Variants in GBF1 observed in about 807,000 individuals in gnomAD.
The protein encoded by GBF1 is Golgi-specific brefeldin A-resistance guanine nucleotide exchange factor 1.
GBF1 carries 114 observed loss-of-function variants against 210.5 expected under a neutral mutation model. The ratio of observed to expected loss-of-function variants is 0.54; its 90% confidence interval spans 0.47 to 0.63. The LOEUF (loss-of-function observed/expected upper bound fraction) is 0.63. Ranked by LOEUF, GBF1 falls within the 30% of genes least tolerant of loss-of-function variation. The pLI, the probability that GBF1 is intolerant of heterozygous loss-of-function variation, is 0.00. For missense variants in GBF1, 1,851 were observed against 2,357.7 expected, an observed-to-expected ratio of 0.79 and a Z score of 4.45; for synonymous variants, 850 against 889.2, an observed-to-expected ratio of 0.96 and a Z score of 0.78.
In GBF1 at chr10:102,363,105, C is replaced by G; in HGVS notation, c.1877-151C>G. On this transcript the variant is annotated intron_variant, in intron 15 of 39. Transcript: ENST00000369983. The surrounding 1 kb of genome is among the most constrained non-coding windows in gnomAD (Gnocchi z 4.2). Reference sequence around the variant, plus strand: ...ATCTAATGCTTGGCTGGGACAGGGACTACTTATTTTGGCTTGGGTTTGTCC... The same window carrying G: ...ATCTAATGCTTGGCTGGGACAGGGAGTACTTATTTTGGCTTGGGTTTGTCC... The G allele has an allele frequency of 3.4e-6, 2 of 586,238 alleles. No homozygotes were observed. Among genetic ancestry groups the G allele is most frequent in the Non-Finnish European group, 3.0e-6 (1 of 338,140 alleles). 36.3% of individuals were successfully genotyped at this position (586,238 alleles called of 1,614,324 possible). A position where few individuals can be genotyped will look rare whatever the true frequency, so the allele number is the denominator to read the frequency against.
chr10:102,260,064 T>C lies in GBF1; in HGVS notation c.111T>C (p.Asp37=). Residue 37 remains aspartate, a synonymous_variant, in exon 3 of 40, where the codon GAT becomes GAC. Coordinates refer to ENST00000369983, the MANE Select transcript of GBF1 (RefSeq NM_001377137.1). ...GTGTTCTACAGGATGAAGAACGGGA[T>C]CCTCTGCTGCATAGTTTCGGTCATC... ...STHTPLDEER[D]PLLHSFGHLK... is the part of the protein sequence containing the mutation. 6.3e-7 allele frequency: 1 copy of C among 1,589,202 alleles called. No homozygotes were observed. Among genetic ancestry groups the C allele is most frequent in the South Asian group, 1.1e-5 (1 of 90,394 alleles).
upstream of GBF1, among the ~76,000 whole-genome samples, chr10:102,240,694 T>C (rs1041543324): frequency 8.5e-5 from 13 of 152,200 alleles, no homozygotes; most frequent in African/African-American, 3.1e-4. Flanking sequence ...TGAGGCGGCC[T>C]CAAGTCAGGA....
chr10:102,298,498 G>A (rs1037560817), intron 3 of GBF1, among the ~76,000 whole-genome samples: 2 of 152,172 alleles, frequency 1.3e-5, no homozygotes, highest in African/African-American at 4.8e-5. Flanking sequence ...CTTTTAGCTA[G>A]AATATGTGCT....
At chr10:102,377,319 A>G (rs1030161015) in intron 33 of GBF1, among the ~76,000 whole-genome samples, 179 bp downstream of exon 33, 3 of 69,544 alleles carry the variant, frequency 4.3e-5, no homozygotes, top group African/African-American at 7.5e-5. Flanking sequence ...ATTTGCTTAA[A>G]TTTATTTATT....
intron 3 of GBF1, among the ~76,000 whole-genome samples, chr10:102,334,397 G>A (rs968832031): frequency 6.6e-6 from 1 of 152,232 alleles, no homozygotes; most frequent in Non-Finnish European, 1.5e-5. Flanking sequence ...GGCTGCTGCG[G>A]CCTGGAGAAC....
chr10:102,348,869 G>C (rs1415283700), intron 4 of GBF1, among the ~76,000 whole-genome samples: 2 of 152,188 alleles, frequency 1.3e-5, no homozygotes, highest in Non-Finnish European at 2.9e-5. Context: ...ATGTTTGGGG[G>C]CCAGGCACAG....
intron 8 of GBF1, among the ~76,000 whole-genome samples, chr10:102,354,963 A>G (rs1306198738): frequency 6.9e-6 from 1 of 144,670 alleles, no homozygotes; most frequent in Non-Finnish European, 1.5e-5. Context: ...CATTCCAAGG[A>G]TTAGAACTCT....
chr10:102,230,735 C>T, the GBF1 span: 3 of 1,500,298 alleles, frequency 2.0e-6, no homozygotes, highest in South Asian at 1.3e-5. Context: ...CCGGAGGACA[C>T]GGCGGCCGGA....
At chr10:102,237,255 C>T in the GBF1 span, among the ~76,000 whole-genome samples, 3 of 151,966 alleles carry the variant, frequency 2.0e-5, no homozygotes, top group African/African-American at 7.3e-5. Flanking sequence ...AGAGGGAAGC[C>T]CATGGAAGGT....
intron 3 of GBF1, among the ~76,000 whole-genome samples, chr10:102,276,980 A>ACACG (rs2133384746): frequency 6.6e-6 from 1 of 152,234 alleles, no homozygotes; most frequent in East Asian, 1.9e-4. Flanking sequence ...ACACACACAC[A>ACACG]CACACACACA....
chr10:102,316,601 C>A (rs1218812037), intron 3 of GBF1, among the ~76,000 whole-genome samples: 1 of 152,148 alleles, frequency 6.6e-6, no homozygotes, highest in East Asian at 1.9e-4. Context: ...CCACAGTTAA[C>A]GAGTAGAATA....
rs1380478137 is a variant in GBF1 at position 102,365,522 on chromosome 10, C to T, written c.2232C>T (p.Asn744=). ...AGGTTGCTCAGTGGCTCCGAGAGAA[C>T]CCTCGGCTGGACAAGAAGATGATTG... The part of the protein sequence containing the change: ...NTEVAQWLRE[N]PRLDKKMIGE... The change falls in exon 18 of 40, where the codon AAC becomes AAT. Residue 744 remains asparagine (N), a synonymous_variant. Transcript: ENST00000369983. 1.2e-6 allele frequency: 2 copies of T among 1,614,058 alleles called. No individual in the cohort carries two copies. Among genetic ancestry groups the T allele is most frequent in the Non-Finnish European group, 8.5e-7 (1 of 1,180,018 alleles).
At chr10:102,329,645 A>G (rs1311371184) in intron 3 of GBF1, among the ~76,000 whole-genome samples, 1 of 151,842 alleles carries the variant, frequency 6.6e-6, no homozygotes, top group Non-Finnish European at 1.5e-5. Flanking sequence ...TTGTATTTTT[A>G]GTAGAGATAG....
intron 21 of GBF1, 94 bp from the exon 22 acceptor site, chr10:102,368,124 G>C (rs2060008201): frequency 2.5e-6 from 2 of 795,522 alleles, no homozygotes; most frequent in African/African-American, 3.3e-5. Flanking sequence ...CCTCTCATCA[G>C]TGGAGAGTGC....
At chr10:102,276,147 G>A (rs1311416125) in intron 3 of GBF1, among the ~76,000 whole-genome samples, 2 of 152,140 alleles carry the variant, frequency 1.3e-5, no homozygotes, top group Non-Finnish European at 2.9e-5. Flanking sequence ...TGAGGCAGGA[G>A]AATCGCTTGA....
chr10:102,335,676 G>A (rs549135399), intron 3 of GBF1, among the ~76,000 whole-genome samples: 112 of 152,244 alleles, frequency 7.4e-4, no homozygotes, highest in Non-Finnish European at 1.3e-3. Context: ...TAGCTGGTGG[G>A]GACATCTCGT....
At chr10:102,309,758 T>A (rs2078250194) in intron 3 of GBF1, among the ~76,000 whole-genome samples, 1 of 152,232 alleles carries the variant, frequency 6.6e-6, no homozygotes, top group Non-Finnish European at 1.5e-5. Flanking sequence ...CATTATTAGT[T>A]GTAGAATGAA....
intron 4 of GBF1, among the ~76,000 whole-genome samples, chr10:102,345,646 CAAAAAAAAAAA>C (rs59037566): frequency 2.8e-4 from 5 of 17,982 alleles, no homozygotes; most frequent in Non-Finnish European, 5.2e-4. Context: ...GACTCCGTCT[CAAAAAAAAAAA>C]AAAAAAAAAA....
chr10:102,261,397 G>A (rs1456147930), intron 3 of GBF1, among the ~76,000 whole-genome samples: 1 of 152,080 alleles, frequency 6.6e-6, no homozygotes, highest in Non-Finnish European at 1.5e-5. Flanking sequence ...ACCACAAAGG[G>A]CTCCTGCAGT....
Sources: gnomAD v4.1 joint callset for allele counts (sites outside exome capture counted in the v4.1 genomes callset) on GRCh38, gnomAD v4.1.1 for gene constraint, Gnocchi (gnomAD v3.1) non-coding constraint, MANE v1.5 for transcripts, NCBI Gene and HGNC (gene_info 2026-07-23, HGNC 2026-07-21) for gene names.